The following NEURL1 variants were observed in gnomAD, a reference collection of about 807,000 sequenced individuals.
NEURL1 encodes the protein E3 ubiquitin-protein ligase NEURL1.
NEURL1 carries 26 observed loss-of-function variants against 41.2 expected under a neutral mutation model. The observed-to-expected ratio is 0.63, with a 90% CI of 0.46 to 0.87. The LOEUF is 0.87. Ranked by LOEUF, NEURL1 falls within the 40% of genes least tolerant of loss-of-function variation. The pLI is 0.00. For missense variants in NEURL1, 761 were observed against 871.1 expected (o/e 0.87, Z 1.59); for synonymous variants, 400 against 402.3 (o/e 0.99, Z 0.07).
At chr10:103,554,090 C>T (rs545095212) in intron 1 of NEURL1, among the ~76,000 whole-genome samples, 3 of 152,364 alleles carry the variant, frequency 2.0e-5, no homozygotes, top group Non-Finnish European at 2.9e-5. Flanking sequence ...TCCTGGTGCA[C>T]GGTGCATGCT....
intron 1 of NEURL1, among the ~76,000 whole-genome samples, chr10:103,540,942 A>G (rs1301666279): frequency 1.3e-5 from 2 of 152,222 alleles, no homozygotes; most frequent in African/African-American, 4.8e-5. Flanking sequence ...TTGCTCCCAC[A>G]TGGGGATGCC....
chr10:103,583,010 G>A (rs374872460), intron 3 of NEURL1, among the ~76,000 whole-genome samples: 1 of 152,220 alleles, frequency 6.6e-6, no homozygotes, highest in African/African-American at 2.4e-5. Context: ...ACTTCCACGG[G>A]CTGCCGTAAG....
chr10:103,572,001 C>T (rs931182744), intron 3 of NEURL1, among the ~76,000 whole-genome samples, 179 bp downstream of exon 3: 6 of 152,198 alleles, frequency 3.9e-5, no homozygotes, highest in Non-Finnish European at 2.9e-5. Flanking sequence ...TTCCTCCAGG[C>T]CCGTGGCTTT....
At chr10:103,532,682 G>C (rs1467095458) in intron 1 of NEURL1, among the ~76,000 whole-genome samples, 3 of 151,466 alleles carry the variant, frequency 2.0e-5, no homozygotes, top group Non-Finnish European at 4.4e-5. Context: ...TTCTCTTGCT[G>C]TTTTTAGAAT....
intron 1 of NEURL1, among the ~76,000 whole-genome samples, chr10:103,499,796 C>T (rs1346429207): frequency 6.6e-6 from 1 of 151,642 alleles, no homozygotes; most frequent in Non-Finnish European, 1.5e-5. Context: ...CTGCTACTTC[C>T]CCTATCTGAG....
chr10:103,557,556 G>A (rs1389435722), intron 1 of NEURL1, among the ~76,000 whole-genome samples: 1 of 152,214 alleles, frequency 6.6e-6, no homozygotes, highest in Non-Finnish European at 1.5e-5. Context: ...CCTCCCTTAA[G>A]CTGGCCCTGG....
At chr10:103,570,324 C>T (rs2035511944) in intron 1 of NEURL1, among the ~76,000 whole-genome samples, 2 of 152,116 alleles carry the variant, frequency 1.3e-5, no homozygotes. Flanking sequence ...AGAGGCCGCC[C>T]ATTGTGCCAG....
Position 103,494,491 on chromosome 10 carries a change from C to A in NEURL1, c.85+19C>A. On this transcript the variant is annotated intron_variant, in intron 1 of 5. Coordinates refer to ENST00000369780, the MANE Select transcript of NEURL1 (RefSeq NM_004210.5). ...CTCAAAGGTAGGCTCCCCGGCCGAG[C>A]GCTGCTGGAGGACTGGGGCGCAGGT... The A allele has an allele frequency of 6.5e-7, 1 of 1,534,742 alleles. No individual in the cohort carries two copies. Among genetic ancestry groups the A allele is most frequent in the South Asian group, 1.2e-5 (1 of 82,574 alleles).
rs1433982946 is a variant in NEURL1, at chr10:103,556,640, A to G, written c.86-14232A>G. ...AGACAGGGAAAGATGTAGGAAAAGC[A>G]AATCATTGGCTCTCTTAAAAGGAAA... On this transcript the variant is annotated intron_variant, in intron 1 of 5. Coordinates refer to ENST00000369780, the MANE Select transcript of NEURL1 (RefSeq NM_004210.5). This position sits in a 1 kb window ranked among gnomAD's most constrained non-coding sequence, Gnocchi z 4.4. Among the ~76,000 whole-genome samples the G allele has an allele frequency of 1.3e-5, 2 of 152,232 alleles. No homozygotes were observed. Among genetic ancestry groups the G allele is most frequent in the Non-Finnish European group, 2.9e-5 (2 of 68,042 alleles).
At chr10:103,500,311 A>G (rs147953144) in intron 1 of NEURL1, among the ~76,000 whole-genome samples, 1 of 152,292 alleles carries the variant, frequency 6.6e-6, no homozygotes, top group East Asian at 1.9e-4. Context: ...CCAACAACCT[A>G]CAGAAGGAGG....
chr10:103,541,179 G>C (rs911098342), intron 1 of NEURL1, among the ~76,000 whole-genome samples: 5 of 152,246 alleles, frequency 3.3e-5, no homozygotes, highest in Non-Finnish European at 7.3e-5. Context: ...GGTAGTAGTA[G>C]TCCAGGCATG....
chr10:103,543,942 G>A (rs1344848390), intron 1 of NEURL1, among the ~76,000 whole-genome samples: 1 of 152,206 alleles, frequency 6.6e-6, no homozygotes, highest in African/African-American at 2.4e-5. Flanking sequence ...GGTCATGGAA[G>A]GTGAGGCCAG....
At chr10:103,502,256 G>A (rs1258875162) in intron 1 of NEURL1, among the ~76,000 whole-genome samples, 1 of 152,206 alleles carries the variant, frequency 6.6e-6, no homozygotes. Context: ...CTCTGGGATG[G>A]TGTCTTAGTC....
intron 1 of NEURL1, among the ~76,000 whole-genome samples, chr10:103,559,054 C>A (rs1432980758): frequency 2.0e-5 from 3 of 152,122 alleles, no homozygotes; most frequent in African/African-American, 7.2e-5. Context: ...CTAACTGAGG[C>A]CACACAGCTG....
chr10:103,518,703 AACTC>A (rs2034273720), intron 1 of NEURL1, among the ~76,000 whole-genome samples: 1 of 152,288 alleles, frequency 6.6e-6, no homozygotes, highest in South Asian at 2.1e-4. Context: ...CTTGGGGAAC[AACTC>A]TATTCTGTGG....
intron 1 of NEURL1, among the ~76,000 whole-genome samples, chr10:103,555,852 C>G (rs1372540325): frequency 1.3e-5 from 2 of 152,210 alleles, no homozygotes; most frequent in East Asian, 1.9e-4. Context: ...CTTGTCGGCT[C>G]TGGGATGTGG....
chr10:103,516,057 A>G (rs967378403), intron 1 of NEURL1, among the ~76,000 whole-genome samples: 2 of 151,872 alleles, frequency 1.3e-5, no homozygotes, highest in African/African-American at 2.4e-5. Context: ...GCAAAACACC[A>G]TTTCTACAAA....
chr10:103,551,446 G>T (rs998042429), intron 1 of NEURL1, among the ~76,000 whole-genome samples: 3 of 152,016 alleles, frequency 2.0e-5, no homozygotes, highest in Admixed American at 1.3e-4. Context: ...GGGATTACAG[G>T]CGTGTGCCAC....
At chr10:103,582,776 G>A (rs2035807668) in intron 3 of NEURL1, among the ~76,000 whole-genome samples, 1 of 152,226 alleles carries the variant, frequency 6.6e-6, no homozygotes, top group Admixed American at 6.5e-5. Flanking sequence ...CCTTGGAGAG[G>A]TTCAGGGAGA....
Sources: gnomAD v4.1 joint callset for allele counts (sites outside exome capture counted in the v4.1 genomes callset) on GRCh38, gnomAD v4.1.1 for gene constraint, Gnocchi (gnomAD v3.1) non-coding constraint, MANE v1.5 for transcripts, NCBI Gene and HGNC (gene_info 2026-07-23, HGNC 2026-07-21) for gene names.